Variants in LRRCC1 observed in about 807,000 individuals in gnomAD.
LRRCC1 encodes the protein leucine-rich repeat and coiled-coil domain-containing protein 1.
A neutral mutation model predicts 126.0 loss-of-function variants in LRRCC1; 115 were observed. The observed-to-expected ratio is 0.91, with a 90% CI of 0.78 to 1.07. The LOEUF is 1.07. Ranked by LOEUF, LRRCC1 falls within the 50% of genes least tolerant of loss-of-function variation. LRRCC1 has a pLI of 0.00. For synonymous variants in LRRCC1, 400 were observed against 393.4 expected (o/e 1.02, Z -0.20); for missense variants, 1,172 against 1,175.7 (o/e 1.00, Z 0.05).
Position 85,131,877 on chromosome 8 carries a change from A to G in LRRCC1, c.1884A>G (p.Lys628=). Residue 628 remains lysine (K), a synonymous_variant, in exon 12 of 19, where the codon AAA becomes AAG. Coordinates refer to ENST00000360375, the MANE Select transcript of LRRCC1 (RefSeq NM_033402.5). ...AAATGATAAAAGAATACCAAGAGAA[A>G]ATTGACGTGTTAAGCCAGCAGTATA... is the stretch of plus-strand genomic sequence containing the variant. The part of the protein sequence containing the change: ...HEQMIKEYQE[K]IDVLSQQYMD... 2 of 1,613,858 alleles carry G rather than the reference A, an allele frequency of 1.2e-6. No homozygotes were observed. The highest frequency in any genetic ancestry group is 1.7e-6 in the Non-Finnish European group (2 of 1,179,868).
At chr8:85,124,988 C>G (rs1350786506) in intron 8 of LRRCC1, 49 bp downstream of exon 8, 3 of 1,339,814 alleles carry the variant, frequency 2.2e-6, no homozygotes, top group Non-Finnish European at 2.0e-6. Flanking sequence ...ATTTTAAATA[C>G]AGAGTCCCAG....
chr8:85,144,273 C>T (rs1208888595), intron 18 of LRRCC1, among the ~76,000 whole-genome samples: 1 of 151,714 alleles, frequency 6.6e-6, no homozygotes, highest in Non-Finnish European at 1.5e-5. Context: ...GAACTTGTGA[C>T]TCAGCATTGA....
chr8:85,126,965 T>A, intron 9 of LRRCC1, 128 bp downstream of exon 9: 1 of 774,672 alleles, frequency 1.3e-6, no homozygotes, highest in Non-Finnish European at 1.9e-6. Flanking sequence ...TGATTTGAAC[T>A]AATTTTATTA....
Position 85,126,617 on chromosome 8 carries a change from A to C in LRRCC1, c.1273-72A>C. ...TAGGTACTATTATTCCCCTGTTATA[A>C]ATGGGAAAATTGAGGCTGTGAGAAG... is the stretch of plus-strand genomic sequence containing the variant. On this transcript the variant is annotated intron_variant, in intron 8 of 18. Coordinates refer to ENST00000360375, the MANE Select transcript of LRRCC1 (RefSeq NM_033402.5). 3 of 1,316,528 alleles carry C rather than the reference A, an allele frequency of 2.3e-6. No homozygotes were observed. The East Asian group carries it at 7.1e-5, about 31-fold the overall frequency. The allele number at this position is 1,316,528 out of a possible 1,614,324, so 81.6% of individuals were successfully genotyped here. A position where few individuals can be genotyped will look rare whatever the true frequency, so the allele number is the denominator to read the frequency against.
chr8:85,127,302 TG>T lies in LRRCC1; in HGVS notation c.1421+466del, dbSNP rs201194760. On this transcript the variant is annotated intron_variant, in intron 9 of 18. Coordinates refer to ENST00000360375, the MANE Select transcript of LRRCC1 (RefSeq NM_033402.5). The stretch of plus-strand genomic sequence containing the variant: ...CGTCTCCCATTTTATCTGGGTTTTT[TG>T]TTTTGTTTTGTTTTGTTGTATTGCA... Among the ~76,000 whole-genome samples the T allele has an allele frequency of 9.1e-3, 1,380 of 152,160 alleles. 21 individuals are homozygous for T. Among genetic ancestry groups the T allele is most frequent in the African/African-American group, 0.031 (1,300 of 41,536 alleles).
In LRRCC1 at chr8:85,144,440, GTGTGTA is replaced by G. The variant is rs1371447388; in HGVS notation, c.2977-947_2977-942del. On this transcript the variant is annotated intron_variant, in intron 18 of 18. Transcript: ENST00000360375. ...TGTGTGTGTGTGTATGTGTGTGTGTGTGTGTATATATATATATATATATATATATAT... is the reference window on the plus strand; with the variant it reads ...TGTGTGTGTGTGTATGTGTGTGTGTGTATATATATATATATATATATATAT... 3.3e-3 allele frequency among the ~76,000 whole-genome samples: 122 copies of G among 37,196 alleles called. 2 individuals are homozygous for G. Among genetic ancestry groups the G allele is most frequent in the African/African-American group, 9.7e-3 (92 of 9,444 alleles). The allele number at this position is 37,196 out of a possible 152,430, so 24.4% of individuals were successfully genotyped here.
At chr8:85,108,447 A>T (rs1808436527) in intron 1 of LRRCC1, among the ~76,000 whole-genome samples, 1 of 152,224 alleles carries the variant, frequency 6.6e-6, no homozygotes, top group African/African-American at 2.4e-5. Context: ...TCATCTTTAT[A>T]CACTTCATGA....
Position 85,129,964 on chromosome 8 carries a change from A to T in LRRCC1, c.1672A>T (p.Arg558Ter), listed in dbSNP as rs757714448. 1.9e-6 allele frequency: 3 copies of T among 1,597,558 alleles called. No individual in the cohort carries two copies. The highest frequency in any genetic ancestry group is 2.6e-6 in the Non-Finnish European group (3 of 1,174,136). ...GGAACTCAAAGCTTCAGCTGCCGATAGAGAAATATACTTACTTAGAACTTC... is the reference window on the plus strand; with the variant it reads ...GGAACTCAAAGCTTCAGCTGCCGATTGAGAAATATACTTACTTAGAACTTC... ...EVELKASAAD[R>*]EIYLLRTSLH... is the part of the protein sequence containing the mutation. Residue 558 changes from arginine to a stop codon, truncating the protein, a stop_gained, in exon 11 of 19, where the codon AGA becomes TGA. Transcript: ENST00000360375. LOFTEE classifies it high-confidence loss of function.
chr8:85,114,925 T>C (rs1808988333), intron 4 of LRRCC1, among the ~76,000 whole-genome samples, 175 bp from the exon 5 acceptor site: 1 of 152,190 alleles, frequency 6.6e-6, no homozygotes. Flanking sequence ...GTTTCTTTTG[T>C]ATGTAAGGAT....
chr8:85,129,279 A>G lies in LRRCC1; in HGVS notation c.1526A>G (p.Lys509Arg). ...EIKKLTVELM[K>R]AKDQQEDHLK... ...AAAAAACTGACTGTTGAACTAATGA[A>G]AGCAAAAGATCAACAAGAGGATCAC... The change falls in exon 10 of 19, where the codon AAA becomes AGA. Residue 509 changes from lysine (K) to arginine (R), a missense_variant. Transcript: ENST00000360375. The G allele has an allele frequency of 6.2e-7, 1 of 1,613,690 alleles. No individual in the cohort carries two copies. Among genetic ancestry groups the G allele is most frequent in the Non-Finnish European group, 8.5e-7 (1 of 1,179,660 alleles).
rs1426793691 is a variant in LRRCC1, at chr8:85,112,947, A to G, written c.392A>G (p.His131Arg). 25 of 1,570,648 alleles carry G rather than the reference A, an allele frequency of 1.6e-5. No individual in the cohort carries two copies. The Middle Eastern group carries it at 8.4e-4, about 53-fold the overall frequency. Residue 131 changes from histidine (H) to arginine (R), a missense_variant, in exon 4 of 19, where the codon CAT becomes CGT. By Grantham distance (29) the His-to-Arg change is conservative (BLOSUM62 0). Transcript: ENST00000360375. ...IDDLSGLIPLHGIKHKLRYID... is the reference protein window; with the variant it reads ...IDDLSGLIPLRGIKHKLRYID... ...CCTATTGCAGGATTGATTCCCCTTC[A>G]TGGAATTAAGCATAAACTTAGATAT...
chr8:85,107,408 C>A lies in LRRCC1; in HGVS notation c.104+9C>A, dbSNP rs745850491. Reference sequence around the variant, plus strand: ...GACAAAGGCTTGCAGAGGTAAAGGGCGCTCCGCAGCCAGGAGCGACCCGCG... The same window carrying A: ...GACAAAGGCTTGCAGAGGTAAAGGGAGCTCCGCAGCCAGGAGCGACCCGCG... On this transcript the variant is annotated intron_variant, in intron 1 of 18. Transcript: ENST00000360375. 1.9e-6 allele frequency: 3 copies of A among 1,598,718 alleles called. No individual in the cohort carries two copies. Among genetic ancestry groups the A allele is most frequent in the South Asian group, 2.2e-5 (2 of 90,146 alleles).
intron 7 of LRRCC1, 63 bp downstream of exon 7, chr8:85,123,669 G>A: frequency 1.6e-6 from 2 of 1,217,112 alleles, no homozygotes; most frequent in South Asian, 1.5e-5. Context: ...CTTCTCTCTT[G>A]AAGCTATCTC....
At chr8:85,120,937 T>A (rs1467749335) in intron 6 of LRRCC1, among the ~76,000 whole-genome samples, 1 of 152,234 alleles carries the variant, frequency 6.6e-6, no homozygotes, top group Non-Finnish European at 1.5e-5. Flanking sequence ...TGTGTGGACA[T>A]AGATTTTCAT....
chr8:85,126,602 T>C (rs371322530), intron 8 of LRRCC1, 87 bp from the exon 9 acceptor site: 2 of 1,118,966 alleles, frequency 1.8e-6, no homozygotes, highest in Non-Finnish European at 1.3e-6. Context: ...TAGGTACTAT[T>C]ATTCCCCTGT....
In LRRCC1 at chr8:85,129,228, T is replaced by C; in HGVS notation, c.1475T>C (p.Met492Thr). The C allele has an allele frequency of 1.2e-6, 2 of 1,613,084 alleles. No individual in the cohort carries two copies. Among genetic ancestry groups the C allele is most frequent in the African/African-American group, 1.3e-5 (1 of 75,008 alleles). ...AATTCCAAAGGACAACTCGAAGTTATGGTTCACAAACTTCAAAATGAAATT... is the reference window on the plus strand; with the variant it reads ...AATTCCAAAGGACAACTCGAAGTTACGGTTCACAAACTTCAAAATGAAATT... Reference protein sequence around the residue: ...ERNSKGQLEVMVHKLQNEIKK... With the variant: ...ERNSKGQLEVTVHKLQNEIKK... Residue 492 changes from methionine (M) to threonine (T), a missense_variant, in exon 10 of 19, where the codon ATG becomes ACG. By Grantham distance (81) the Met-to-Thr change is moderately conservative. Coordinates refer to ENST00000360375, the MANE Select transcript of LRRCC1 (RefSeq NM_033402.5).
At chr8:85,120,312 G>A (rs555866021) in intron 6 of LRRCC1, among the ~76,000 whole-genome samples, 3 of 152,074 alleles carry the variant, frequency 2.0e-5, no homozygotes, top group African/African-American at 4.8e-5. Flanking sequence ...TTGTAGAGGT[G>A]GGGGGGTTGA....
intron 3 of LRRCC1, among the ~76,000 whole-genome samples, chr8:85,112,619 A>G (rs1808811561): frequency 6.6e-6 from 1 of 152,244 alleles, no homozygotes; most frequent in Non-Finnish European, 1.5e-5. Flanking sequence ...GAGAGCCTAA[A>G]GCCATTGCTT....
chr8:85,108,098 CTTTAT>C (rs915174942), intron 1 of LRRCC1, among the ~76,000 whole-genome samples: 1 of 152,228 alleles, frequency 6.6e-6, no homozygotes, highest in Admixed American at 6.5e-5. Flanking sequence ...TCCACTTACA[CTTTAT>C]TTACCTGTAC....
Sources: allele counts gnomAD v4.1 joint callset (sites outside exome capture counted in the v4.1 genomes callset), GRCh38; gene constraint gnomAD v4.1.1; transcripts MANE v1.5; gene names NCBI Gene and HGNC (gene_info 2026-07-23, HGNC 2026-07-21).